NUP214: variants seen among roughly 807,000 people sequenced by gnomAD.
The protein encoded by NUP214 is nucleoporin 214.
Under a neutral mutation model 196.2 loss-of-function variants are expected in NUP214, and 79 were observed. That is an observed-to-expected ratio of 0.40 (90% confidence interval 0.34 to 0.49). The LOEUF is 0.49. Ranked by LOEUF, NUP214 falls within the 20% of genes least tolerant of loss-of-function variation. The pLI, the probability that NUP214 is intolerant of heterozygous loss-of-function variation, is 0.58. For missense variants in NUP214, 2,468 were observed against 2,539.0 expected (o/e 0.97, Z 0.60); for synonymous variants, 1,020 against 990.5 (o/e 1.03, Z -0.56).
chr9:131,169,140 C>G (rs1346794836), intron 21 of NUP214, among the ~76,000 whole-genome samples: 1 of 144,598 alleles, frequency 6.9e-6, no homozygotes, highest in Non-Finnish European at 1.5e-5. Context: ...TCAAGCAATT[C>G]TCCTGCCTCA....
In NUP214 at chr9:131,232,883, G is replaced by C. The variant is rs1834916730; in HGVS notation, c.6240-571G>C. The C allele has an allele frequency of 6.3e-6, 1 of 158,296 alleles. No homozygotes were observed. Among genetic ancestry groups the C allele is most frequent in the African/African-American group, 2.4e-5 (1 of 41,214 alleles). The allele number at this position is 158,296 out of a possible 1,614,324, so 9.8% of individuals were successfully genotyped here. On this transcript the variant is annotated intron_variant, in intron 35 of 35. Coordinates refer to ENST00000359428, the MANE Select transcript of NUP214 (RefSeq NM_005085.4). This position sits in a 1 kb window ranked among gnomAD's most constrained non-coding sequence, Gnocchi z 5.1. The stretch of plus-strand genomic sequence containing the variant: ...AAATTAGCCGTGCATGCTGGCTTAT[G>C]CCTGTGGTCCCAGCTACTCCAGAAG...
In NUP214 at chr9:131,163,166, A is replaced by T. The variant is rs747978789; in HGVS notation, c.2716A>T (p.Ile906Phe). The T allele has an allele frequency of 6.2e-7, 1 of 1,610,876 alleles. No individual in the cohort carries two copies. The highest frequency in any genetic ancestry group is 1.7e-5 in the Admixed American group (1 of 58,922). ...LSSAVPSQSS[I>F]HSFDSDLESL... ...CTCGGCTGTTCCTTCCCAGAGCAGC[A>T]TTCACAGGTGTGGAGAGGACTTGCA... The change falls in exon 19 of 36, where the codon ATT becomes TTT. Residue 906 changes from isoleucine to phenylalanine, a missense_variant. By Grantham distance (21) the Ile-to-Phe change is conservative. Transcript: ENST00000359428.
rs1235703109 is a variant in NUP214 at position 131,228,252 on chromosome 9, G to A, written c.5995G>A (p.Ala1999Thr). Residue 1999 changes from alanine to threonine, a missense_variant, in exon 33 of 36, where the codon GCC (alanine) becomes ACC (threonine). By Grantham distance (58) the Ala-to-Thr change is moderately conservative. Around this residue, in one of 5 missense-constraint regions of NUP214, gnomAD observed 262 missense variants for 296.5 expected, o/e 0.88. Coordinates refer to ENST00000359428, the MANE Select transcript of NUP214 (RefSeq NM_005085.4). ...GGTGCCAGCATTCGGTTCAGCCCCAGCCTTTACAAGCCCTCTGGGCTCGAC... is the reference window on the plus strand; with the variant it reads ...GGTGCCAGCATTCGGTTCAGCCCCAACCTTTACAAGCCCTCTGGGCTCGAC... ...GGVPAFGSAP[A>T]FTSPLGSTGG... 1 of 1,605,692 alleles carries A rather than the reference G, an allele frequency of 6.2e-7. No individual in the cohort carries two copies. The highest frequency in any genetic ancestry group is 1.1e-5 in the South Asian group (1 of 89,954).
intron 30 of NUP214, among the ~76,000 whole-genome samples, chr9:131,202,386 T>TACACAC (rs139696944): frequency 6.6e-6 from 1 of 151,258 alleles, no homozygotes; most frequent in Non-Finnish European, 1.5e-5. Context: ...TATATGTGTG[T>TACACAC]ACACACACAC....
chr9:131,203,056 C>G (rs1430186488), intron 30 of NUP214, among the ~76,000 whole-genome samples: 1 of 151,946 alleles, frequency 6.6e-6, no homozygotes, highest in Non-Finnish European at 1.5e-5. Flanking sequence ...CGCCATTCTC[C>G]TGCCTCAGCC....
At chr9:131,190,797 C>G in intron 26 of NUP214, 2 of 219,254 alleles carry the variant, frequency 9.1e-6, no homozygotes, top group Non-Finnish European at 1.8e-5. Context: ...GAAAAATATC[C>G]TATATACTGT....
chr9:131,203,255 C>A (rs1833989259), intron 30 of NUP214, among the ~76,000 whole-genome samples: 2 of 152,110 alleles, frequency 1.3e-5, no homozygotes, highest in African/African-American at 2.4e-5. Context: ...AATTTTAAGT[C>A]TTTTATACAA....
At chr9:131,160,641 G>C (rs746625081) in intron 18 of NUP214, among the ~76,000 whole-genome samples, 3 of 152,174 alleles carry the variant, frequency 2.0e-5, no homozygotes, top group Non-Finnish European at 2.9e-5. Context: ...ACCAAGAAAT[G>C]GTCTATTTGA....
intron 26 of NUP214, chr9:131,190,505 T>C: frequency 1.5e-6 from 1 of 683,708 alleles, no homozygotes; most frequent in East Asian, 2.8e-5. Flanking sequence ...GAAAAGAACT[T>C]TTTTCTTTTG....
intron 21 of NUP214, among the ~76,000 whole-genome samples, chr9:131,165,748 C>T (rs537231577): frequency 6.6e-6 from 1 of 152,182 alleles, no homozygotes; most frequent in Admixed American, 6.5e-5. Context: ...AATGGATAAA[C>T]AAAATGTCTG....
intron 30 of NUP214, among the ~76,000 whole-genome samples, chr9:131,208,558 G>T (rs932219760): frequency 1.3e-5 from 2 of 152,096 alleles, no homozygotes; most frequent in African/African-American, 2.4e-5. Context: ...TTATCCAGGC[G>T]TGGTGGCGGG....
At chr9:131,221,706 T>C (rs1834559129) in intron 31 of NUP214, among the ~76,000 whole-genome samples, 1 of 152,192 alleles carries the variant, frequency 6.6e-6, no homozygotes, top group Admixed American at 6.5e-5. Flanking sequence ...ATGCTGTGCC[T>C]CCCATTTATG....
At chr9:131,195,424 T>C in intron 28 of NUP214, 130 bp downstream of exon 28, 1 of 702,166 alleles carries the variant, frequency 1.4e-6, no homozygotes, top group East Asian at 2.6e-5. Flanking sequence ...AGCTCAGTGT[T>C]GATAATGTGC....
chr9:131,215,826 A>G (rs1834377073), intron 31 of NUP214, among the ~76,000 whole-genome samples: 1 of 151,326 alleles, frequency 6.6e-6, no homozygotes. Context: ...GAAGCCTTTA[A>G]TATTTCTCAC....
At chr9:131,140,420 A>G in intron 10 of NUP214, 129 bp from the exon 11 acceptor site, 1 of 724,794 alleles carries the variant, frequency 1.4e-6, no homozygotes, top group Non-Finnish European at 2.2e-6. Context: ...TAAAATCAGA[A>G]CAAACTAACT....
At chr9:131,219,209 C>T (rs1834487214) in intron 31 of NUP214, among the ~76,000 whole-genome samples, 1 of 152,178 alleles carries the variant, frequency 6.6e-6, no homozygotes, top group African/African-American at 2.4e-5. Flanking sequence ...ATAGGAAAAT[C>T]AGGTCCAAGA....
chr9:131,139,255 CTTTTT>C (rs200377608), intron 9 of NUP214, 21 bp from the exon 10 acceptor site: 221 of 1,092,260 alleles, frequency 2.0e-4, no homozygotes, highest in Middle Eastern at 6.4e-4. Context: ...TCTTCTTCTT[CTTTTT>C]TTTTTTTTTT....
intron 7 of NUP214, 22 bp downstream of exon 7, chr9:131,133,231 CAT>C (rs759795454): frequency 2.1e-6 from 3 of 1,410,432 alleles, no homozygotes; most frequent in Non-Finnish European, 2.9e-6. Flanking sequence ...GAAGAAATTT[CAT>C]TGTTTGAGAA....
intron 5 of NUP214, 30 bp from the exon 6 acceptor site, chr9:131,132,566 A>T (rs1373944463): frequency 6.3e-7 from 1 of 1,590,534 alleles, no homozygotes; most frequent in East Asian, 2.2e-5. Context: ...TTCATTTGAT[A>T]CTTTATTTTC....
Sources: allele counts gnomAD v4.1 joint callset (sites outside exome capture counted in the v4.1 genomes callset), GRCh38; gene constraint gnomAD v4.1.1; regional missense constraint gnomAD v4.1.1; non-coding constraint Gnocchi (gnomAD v3.1); transcripts MANE v1.5; gene names NCBI Gene and HGNC (gene_info 2026-07-23, HGNC 2026-07-21).